PAM: variants seen among roughly 807,000 people sequenced by gnomAD.
The protein encoded by PAM is peptidylglycine alpha-amidating monooxygenase.
In PAM, 72 loss-of-function variants were observed where a neutral mutation model predicts 122.1. That is an observed-to-expected ratio of 0.59 (90% CI 0.49 to 0.72). The LOEUF (loss-of-function observed/expected upper bound fraction) is 0.72. Ranked by LOEUF, PAM falls within the 30% of genes least tolerant of loss-of-function variation. The pLI is 0.00. For synonymous variants in PAM, 389 were observed against 404.4 expected (o/e 0.96, Z 0.46); for missense variants, 1,106 against 1,183.7 (o/e 0.93, Z 0.96).
At chr5:102,876,786 G>A (rs528436096) in intron 3 of PAM, among the ~76,000 whole-genome samples, 39 of 152,352 alleles carry the variant, frequency 2.6e-4, no homozygotes, top group East Asian at 1.3e-3. Context: ...ATTCCATCCC[G>A]TCACAGAGAC....
chr5:102,814,529 A>G (rs1172331769), intron 1 of PAM, among the ~76,000 whole-genome samples: 2 of 148,976 alleles, frequency 1.3e-5, no homozygotes, highest in East Asian at 3.9e-4. Flanking sequence ...CTCTCTCTAT[A>G]TATACATATA....
intron 1 of PAM, among the ~76,000 whole-genome samples, chr5:102,841,741 G>T (rs186565146): frequency 6.6e-6 from 1 of 152,182 alleles, no homozygotes; most frequent in African/African-American, 2.4e-5. Context: ...CGAAAATATA[G>T]ATTCATTAAT....
chr5:102,881,223 G>C (rs1369331760), intron 3 of PAM, among the ~76,000 whole-genome samples: 2 of 151,226 alleles, frequency 1.3e-5, no homozygotes, highest in African/African-American at 4.9e-5. Context: ...GGCAGAAAAA[G>C]AGTTAAAATA....
At chr5:102,760,221 T>A (rs1486137088) in intron 1 of PAM, among the ~76,000 whole-genome samples, 2 of 152,138 alleles carry the variant, frequency 1.3e-5, no homozygotes, top group African/African-American at 4.8e-5. Flanking sequence ...AAGCTCAGGG[T>A]TCCCCTCTGA....
chr5:102,808,242 T>C (rs1766787759), intron 1 of PAM: 1 of 152,232 alleles, frequency 6.6e-6, no homozygotes, highest in South Asian at 2.1e-4. Flanking sequence ...GTAAGTGCCT[T>C]GTTTTGCATA....
At chr5:102,973,475 T>C (rs1188384891) in intron 14 of PAM, among the ~76,000 whole-genome samples, 1 of 152,208 alleles carries the variant, frequency 6.6e-6, no homozygotes, top group Non-Finnish European at 1.5e-5. Context: ...TAAAATCTTT[T>C]CCTTTGTTTG....
chr5:102,755,438 C>G (rs927722894), intron 1 of PAM, 90 bp downstream of exon 1: 1 of 150,008 alleles, frequency 6.7e-6, no homozygotes, highest in Non-Finnish European at 1.5e-5. Flanking sequence ...GGCTCGGGAT[C>G]CTGCTGCCAC....
chr5:102,796,193 T>C (rs947328682), intron 1 of PAM, among the ~76,000 whole-genome samples: 5 of 152,012 alleles, frequency 3.3e-5, no homozygotes, highest in African/African-American at 7.3e-5. Flanking sequence ...ACCAGTGGAG[T>C]TGGACCCTCT....
At chr5:102,952,568 A>AT (rs985503656) in intron 12 of PAM, among the ~76,000 whole-genome samples, 23 of 152,032 alleles carry the variant, frequency 1.5e-4, no homozygotes, top group Admixed American at 1.2e-3. Context: ...TACAGAGGCA[A>AT]TTTTTTTACC....
intron 1 of PAM, among the ~76,000 whole-genome samples, chr5:102,815,580 C>G (rs1468474178): frequency 1.3e-5 from 2 of 152,104 alleles, no homozygotes; most frequent in Non-Finnish European, 2.9e-5. Flanking sequence ...CCCATTTCTC[C>G]CTCTCTCTTG....
intron 14 of PAM, 111 bp downstream of exon 14, chr5:102,961,340 CA>C (rs1433336686): frequency 5.8e-5 from 37 of 642,106 alleles, no homozygotes; most frequent in Non-Finnish European, 3.2e-5. Flanking sequence ...CTGCCTCAAA[CA>C]CTATGTATTG....
chr5:102,785,856 T>C (rs925691515), intron 1 of PAM, among the ~76,000 whole-genome samples: 2 of 143,776 alleles, frequency 1.4e-5, no homozygotes, highest in Non-Finnish European at 3.1e-5. Flanking sequence ...CACCATTGTA[T>C]TTAACTTTTT....
chr5:103,009,640 G>A, intron 20 of PAM, 111 bp from the exon 21 acceptor site: 5 of 644,858 alleles, frequency 7.8e-6, no homozygotes, highest in Non-Finnish European at 1.4e-5. Flanking sequence ...GTTGCCAATT[G>A]TAGGGACCAG....
intron 15 of PAM, among the ~76,000 whole-genome samples, chr5:102,986,873 A>G (rs73179806): frequency 0.016 from 2,504 of 152,286 alleles, 58 homozygotes; most frequent in African/African-American, 0.058. Context: ...CTGCCAGCAT[A>G]TAAGACATGC....
intron 14 of PAM, among the ~76,000 whole-genome samples, chr5:102,964,164 A>G (rs1228812779): frequency 6.6e-6 from 1 of 151,946 alleles, no homozygotes; most frequent in Non-Finnish European, 1.5e-5. Context: ...GATCATTAAA[A>G]CACAGATTTA....
At chr5:102,999,941 C>A (rs1562195315) in intron 16 of PAM, among the ~76,000 whole-genome samples, 3 of 152,204 alleles carry the variant, frequency 2.0e-5, no homozygotes. Flanking sequence ...ATTGTTTTGA[C>A]AAGTAACTTT....
intron 1 of PAM, among the ~76,000 whole-genome samples, chr5:102,852,973 C>A (rs1413892962): frequency 6.6e-6 from 1 of 152,144 alleles, no homozygotes; most frequent in Non-Finnish European, 1.5e-5. Flanking sequence ...TTGTGTAATT[C>A]AAATACTAAG....
chr5:102,959,547 G>A lies in PAM; in HGVS notation c.906-328G>A, dbSNP rs575997347. Among the ~76,000 whole-genome samples the A allele has an allele frequency of 6.8e-4, 104 of 152,154 alleles. 1 individual carries two copies. Among genetic ancestry groups the A allele is most frequent in the Non-Finnish European group, 1.0e-3 (69 of 67,972 alleles). Reference sequence around the variant, plus strand: ...CCCAGTCTATGAGTTTTAGCAAATAGGAGGGGACTAAAGAATAAAAAGATT... The same window carrying A: ...CCCAGTCTATGAGTTTTAGCAAATAAGAGGGGACTAAAGAATAAAAAGATT... On this transcript the variant is annotated intron_variant, in intron 12 of 25. Coordinates refer to ENST00000438793, the MANE Select transcript of PAM (RefSeq NM_001177306.2).
At chr5:102,808,304 T>C (rs1358212720) in intron 1 of PAM, 2 of 152,238 alleles carry the variant, frequency 1.3e-5, no homozygotes, top group Non-Finnish European at 2.9e-5. Context: ...TCTTGCTTTC[T>C]AAGATATACT....
Sources: gnomAD v4.1 joint callset for allele counts (sites outside exome capture counted in the v4.1 genomes callset) on GRCh38, gnomAD v4.1.1 for gene constraint, MANE v1.5 for transcripts, NCBI Gene and HGNC (gene_info 2026-07-23, HGNC 2026-07-21) for gene names.